Variants in MARCHF8 observed in about 807,000 individuals in gnomAD.
MARCHF8 encodes the protein E3 ubiquitin-protein ligase MARCHF8.
A neutral mutation model predicts 51.6 loss-of-function variants in MARCHF8; 40 were observed. That is an observed-to-expected ratio of 0.77 (90% CI 0.60 to 1.01). The LOEUF is 1.01. Among genes scored for constraint, MARCHF8 ranks in the 50% least tolerant of loss-of-function variants. The probability of loss-of-function intolerance (pLI) is 0.00; values close to 1 mark genes in which losing one functional copy is unlikely to be tolerated. For synonymous variants in MARCHF8, 263 were observed against 280.3 expected (o/e 0.94, Z 0.62); for missense variants, 685 against 708.6 (o/e 0.97, Z 0.38).
chr10:45,526,242 C>G (rs2043791499), intron 2 of MARCHF8, among the ~76,000 whole-genome samples: 1 of 152,046 alleles, frequency 6.6e-6, no homozygotes, highest in African/African-American at 2.4e-5. Flanking sequence ...AACTGAAAAG[C>G]AACAGGAATC....
chr10:45,575,894 T>A (rs759078055), intron 1 of MARCHF8, among the ~76,000 whole-genome samples: 1 of 152,056 alleles, frequency 6.6e-6, no homozygotes, highest in Admixed American at 6.6e-5. Flanking sequence ...AATGAACACC[T>A]TGTGACCCCC....
rs559378930 is a variant in MARCHF8 at position 45,557,531 on chromosome 10, A to T, written c.-78-24242T>A. 3.9e-5 allele frequency among the ~76,000 whole-genome samples: 6 copies of T among 152,346 alleles called. No individual in the cohort carries two copies. The East Asian group carries it at 1.2e-3, about 29-fold the overall frequency. ...AAAGTATTATTTTCTGACAATATAC[A>T]TTGTGGATCACCAGCACAATAACAT... is the stretch of plus-strand genomic sequence containing the variant. On this transcript the variant is annotated intron_variant, in intron 1 of 6. Transcript: ENST00000319836.
chr10:45,544,013 A>G (rs2044089307), intron 1 of MARCHF8, among the ~76,000 whole-genome samples: 1 of 152,008 alleles, frequency 6.6e-6, no homozygotes, highest in Admixed American at 6.6e-5. Flanking sequence ...GGCTACAGTG[A>G]GCTATGATCA....
chr10:45,548,939 G>A (rs1202600058), intron 1 of MARCHF8, among the ~76,000 whole-genome samples: 2 of 149,798 alleles, frequency 1.3e-5, no homozygotes, highest in African/African-American at 4.9e-5. Flanking sequence ...AGGTTGCAGT[G>A]ACCCAAGATC....
chr10:45,586,008 T>C (rs2044614649), intron 1 of MARCHF8, among the ~76,000 whole-genome samples: 1 of 152,204 alleles, frequency 6.6e-6, no homozygotes, highest in South Asian at 2.1e-4. Flanking sequence ...CACATAGGTA[T>C]ATGTTCAGTC....
At chr10:45,547,784 C>T (rs2044145590) in intron 1 of MARCHF8, among the ~76,000 whole-genome samples, 1 of 152,046 alleles carries the variant, frequency 6.6e-6, no homozygotes, top group South Asian at 2.1e-4. Flanking sequence ...AGTGACAGGC[C>T]TTTTGTTGTC....
chr10:45,582,053 T>TA (rs1391202708), intron 1 of MARCHF8, among the ~76,000 whole-genome samples: 1 of 152,192 alleles, frequency 6.6e-6, no homozygotes, highest in Non-Finnish European at 1.5e-5. Context: ...AAAATTATTT[T>TA]AACAACCTTA....
At chr10:45,570,147 C>T (rs2044413453) in intron 1 of MARCHF8, among the ~76,000 whole-genome samples, 1 of 152,110 alleles carries the variant, frequency 6.6e-6, no homozygotes, top group Admixed American at 6.5e-5. Context: ...AAGGAGTAAA[C>T]AATTCCCAAT....
chr10:45,473,669 A>C (rs1260694322), intron 3 of MARCHF8, among the ~76,000 whole-genome samples: 2 of 152,218 alleles, frequency 1.3e-5, no homozygotes, highest in Admixed American at 6.5e-5. Flanking sequence ...CTGGTATTAA[A>C]GAAATTCCAG....
intron 3 of MARCHF8, among the ~76,000 whole-genome samples, chr10:45,486,293 C>T (rs1231473236): frequency 1.3e-5 from 2 of 152,144 alleles, no homozygotes; most frequent in South Asian, 2.1e-4. Context: ...GGGCCGGGCA[C>T]GGTGGCTCAC....
At chr10:45,527,239 G>T (rs908903926) in intron 2 of MARCHF8, among the ~76,000 whole-genome samples, 1 of 151,970 alleles carries the variant, frequency 6.6e-6, no homozygotes, top group Middle Eastern at 3.4e-3. Context: ...AGAAAAACAA[G>T]AACAAACCAA....
At chr10:45,477,069 T>C (rs1405447104) in intron 3 of MARCHF8, among the ~76,000 whole-genome samples, 2 of 152,282 alleles carry the variant, frequency 1.3e-5, no homozygotes, top group East Asian at 1.9e-4. Context: ...CAGTCAAAAG[T>C]TGAAGCCTAA....
chr10:45,588,860 T>C (rs35775604), intron 1 of MARCHF8, among the ~76,000 whole-genome samples: 9,374 of 151,648 alleles, frequency 0.062, 332 homozygotes, highest in Non-Finnish European at 0.067. Context: ...TAGCCTGGCA[T>C]GGTGGCAGGT....
chr10:45,548,649 A>G (rs928500800), intron 1 of MARCHF8, among the ~76,000 whole-genome samples: 2 of 152,230 alleles, frequency 1.3e-5, no homozygotes, highest in Non-Finnish European at 2.9e-5. Flanking sequence ...TTCACGTCTG[A>G]GAAACAGAAC....
At chr10:45,513,203 A>G (rs1206092745) in intron 2 of MARCHF8, among the ~76,000 whole-genome samples, 1 of 151,584 alleles carries the variant, frequency 6.6e-6, no homozygotes, top group Non-Finnish European at 1.5e-5. Flanking sequence ...TCTGCGAGAA[A>G]CACCCAAGAA....
chr10:45,463,560 T>C lies in MARCHF8; in HGVS notation c.679A>G (p.Thr227Ala), dbSNP rs537790256. Residue 227 changes from threonine to alanine, a missense_variant, in exon 5 of 8, where the codon ACT becomes GCT. Physicochemically the swap from Thr to Ala is moderately conservative, Grantham distance 58. Coordinates refer to ENST00000453424, the MANE Select transcript of MARCHF8 (RefSeq NM_001282866.2). ...CVSCLSAGRSTASEVEAGKGG... is the reference protein window; with the variant it reads ...CVSCLSAGRSAASEVEAGKGG... ...TTGCCAGCTTCCACCTCTGAGGCAGTTGAGCGACCGGCAGAAAGGCATGAA... is the reference window on the plus strand; with the variant it reads ...TTGCCAGCTTCCACCTCTGAGGCAGCTGAGCGACCGGCAGAAAGGCATGAA... The C allele has an allele frequency of 3.4e-5, 53 of 1,550,668 alleles. No individual in the cohort carries two copies. In the South Asian group the frequency reaches 5.4e-4, roughly 16 times the overall value.
chr10:45,470,553 A>G (rs1482718640), intron 3 of MARCHF8, among the ~76,000 whole-genome samples: 2 of 152,104 alleles, frequency 1.3e-5, no homozygotes, highest in Non-Finnish European at 2.9e-5. Flanking sequence ...GTGCCACACA[A>G]CACAACATGA....
chr10:45,498,071 C>G (rs897685894), intron 2 of MARCHF8, among the ~76,000 whole-genome samples: 1 of 152,132 alleles, frequency 6.6e-6, no homozygotes, highest in Non-Finnish European at 1.5e-5. Context: ...ATGCTTACTC[C>G]CTAAATTTTA....
At chr10:45,464,460 A>G in intron 3 of MARCHF8, 133 bp from the exon 4 acceptor site, 1 of 718,532 alleles carries the variant, frequency 1.4e-6, no homozygotes, top group Non-Finnish European at 2.5e-6. Context: ...AACACATATT[A>G]GATCCTTCTA....
Sources: allele counts gnomAD v4.1 joint callset (sites outside exome capture counted in the v4.1 genomes callset), GRCh38; gene constraint gnomAD v4.1.1; transcripts MANE v1.5; gene names NCBI Gene and HGNC (gene_info 2026-07-23, HGNC 2026-07-21).